The following ASB2 variants were observed in gnomAD, a reference collection of about 807,000 sequenced individuals.
ASB2 encodes the protein ankyrin repeat and SOCS box containing 2.
ASB2 carries 58 observed loss-of-function variants against 62.4 expected under a neutral mutation model. The ratio of observed to expected loss-of-function variants is 0.93; its 90% CI spans 0.75 to 1.16. The LOEUF is 1.16. Among genes scored for constraint, ASB2 ranks in the 50% most tolerant of loss-of-function variants. ASB2 has a pLI of 0.00. For synonymous variants in ASB2, 386 were observed against 385.3 expected, an observed-to-expected ratio of 1.00 and a Z score of -0.02; for missense variants, 928 against 887.9, an observed-to-expected ratio of 1.05 and a Z score of -0.57.
intron 7 of ASB2, among the ~76,000 whole-genome samples, chr14:93,944,416 G>A (rs989461781): frequency 6.6e-6 from 1 of 152,260 alleles, no homozygotes; most frequent in Non-Finnish European, 1.5e-5. Flanking sequence ...TAAGTGTGCT[G>A]ACGAGAAGAC....
chr14:93,941,394 G>A, intron 7 of ASB2: 1 of 323,298 alleles, frequency 3.1e-6, no homozygotes, highest in Non-Finnish European at 6.1e-6. Flanking sequence ...TGGCCTCCTG[G>A]CACACAGGCT....
intron 7 of ASB2, chr14:93,941,333 G>T (rs1309269394): frequency 3.5e-6 from 1 of 286,212 alleles, no homozygotes; most frequent in Admixed American, 4.9e-5. Flanking sequence ...GGGGTGGGGC[G>T]GTGGGGGAAG....
intron 2 of ASB2, among the ~76,000 whole-genome samples, chr14:93,961,455 C>A (rs542315431): frequency 1.3e-5 from 2 of 152,150 alleles, no homozygotes; most frequent in East Asian, 3.9e-4. Flanking sequence ...TCACTGGAGG[C>A]GTAGGTTAAT....
At position 93,964,430 on chromosome 14, in the gene ASB2, T is replaced by C. The variant is rs1889516496; in HGVS notation, c.110A>G (p.Gln37Arg). 4 of 1,536,002 alleles carry C rather than the reference T, an allele frequency of 2.6e-6. No homozygotes were observed. In the South Asian group the frequency reaches 4.8e-5, roughly 18 times the overall value. The part of the protein sequence containing the change: ...EDELVQMAIE[Q>R]SLADKTRGPT... Reference sequence around the variant, plus strand: ...GCCCCTTGTCTTGTCCGCTAGGCTCTGCTCGATGGCCATCTGCACCAGTTC... The same window carrying C: ...GCCCCTTGTCTTGTCCGCTAGGCTCCGCTCGATGGCCATCTGCACCAGTTC... The change falls in exon 2 of 10, where the codon CAG becomes CGG. Residue 37 changes from glutamine to arginine, a missense_variant. Coordinates refer to ENST00000555019, the MANE Select transcript of ASB2 (RefSeq NM_001202429.2).
Position 93,939,305 on chromosome 14 carries a change from G to A in ASB2, c.1420C>T (p.His474Tyr), listed in dbSNP as rs1301172923. 3 of 1,609,662 alleles carry A rather than the reference G, an allele frequency of 1.9e-6. No individual in the cohort carries two copies. In the Middle Eastern group the frequency reaches 5.0e-4, roughly 266 times the overall value. ...GANIDAYIAT[H>Y]PTAFPATIMF... is the part of the protein sequence containing the mutation. ...ATGGTGGCGGGGAAGGCGGTGGGGTGCGTGGCGATATAGGCGTCGATGTTC... is the reference window on the plus strand; with the variant it reads ...ATGGTGGCGGGGAAGGCGGTGGGGTACGTGGCGATATAGGCGTCGATGTTC... The change falls in exon 8 of 10, where the codon CAC becomes TAC. Residue 474 changes from histidine to tyrosine, a missense_variant. By Grantham distance (83) the His-to-Tyr change is moderately conservative. Transcript: ENST00000555019.
intron 4 of ASB2, 140 bp from the exon 5 acceptor site, chr14:93,953,647 T>C (rs1288240644): frequency 1.4e-6 from 1 of 738,756 alleles, no homozygotes; most frequent in Non-Finnish European, 2.0e-6. Flanking sequence ...TGCATTCATC[T>C]GGCCCTTTCA....
At chr14:93,944,001 A>G (rs1286550952) in intron 7 of ASB2, 5 of 456,118 alleles carry the variant, frequency 1.1e-5, no homozygotes, top group East Asian at 6.9e-5. Context: ...AAGGCCCAGA[A>G]TGCAAGTCTG....
chr14:93,947,596 G>A (rs957712578), intron 6 of ASB2, 76 bp from the exon 7 acceptor site: 10 of 1,502,798 alleles, frequency 6.7e-6, no homozygotes, highest in Admixed American at 3.4e-5. Context: ...CCACCGCGTG[G>A]TGGGCCTGCT....
intron 6 of ASB2, among the ~76,000 whole-genome samples, chr14:93,949,291 A>T (rs1343302210): frequency 6.6e-6 from 1 of 152,232 alleles, no homozygotes; most frequent in African/African-American, 2.4e-5. Context: ...GATCCAGCGG[A>T]AACAGCACAG....
chr14:93,939,456 G>C lies in ASB2; in HGVS notation c.1269C>G (p.Asn423Lys). ...GCAGCAGCAGCTCGGTGGCGTACAC[G>C]TTGTTGTTGACCACCGCGAAGTACA... ...SALYFAVVNNNVYATELLLQH... is the reference protein window; with the variant it reads ...SALYFAVVNNKVYATELLLQH... The change falls in exon 8 of 10, where the codon AAC (asparagine) becomes AAG (lysine). Residue 423 changes from asparagine to lysine, a missense_variant. Transcript: ENST00000555019. 1 of 1,612,438 alleles carries C rather than the reference G, an allele frequency of 6.2e-7. No homozygotes were observed. The highest frequency in any genetic ancestry group is 8.5e-7 in the Non-Finnish European group (1 of 1,179,754).
intron 9 of ASB2, among the ~76,000 whole-genome samples, chr14:93,935,777 C>CTG (rs1888252190): frequency 8.8e-6 from 1 of 114,092 alleles, no homozygotes; most frequent in Admixed American, 8.3e-5. Context: ...CTGACACTTC[C>CTG]ACTGCCCTCT....
At position 93,943,587 on chromosome 14, in the gene ASB2, C is replaced by T. The variant is rs370009412; in HGVS notation, c.1052+3762G>A. 1.2e-4 allele frequency among the ~76,000 whole-genome samples: 19 copies of T among 152,274 alleles called. No individual in the cohort carries two copies. The Middle Eastern group carries it at 0.014, about 109-fold the overall frequency. On this transcript the variant is annotated intron_variant, in intron 7 of 9. Coordinates refer to ENST00000555019, the MANE Select transcript of ASB2 (RefSeq NM_001202429.2). ...TGAACCCAGGAGGCAGAGGTTGCAG[C>T]GAGCCAAGATTGTGCCACTGCACTC...
intron 2 of ASB2, among the ~76,000 whole-genome samples, chr14:93,963,385 C>T (rs1889474810): frequency 1.4e-5 from 2 of 146,948 alleles, no homozygotes; most frequent in Non-Finnish European, 3.0e-5. Flanking sequence ...CACACTTGAC[C>T]TTGGCTGGGG....
At position 93,934,644 on chromosome 14, in the gene ASB2, C is replaced by T; in HGVS notation, c.*12G>A. On this transcript the variant is annotated 3_prime_UTR_variant, in exon 10 of 10. Coordinates refer to ENST00000555019, the MANE Select transcript of ASB2 (RefSeq NM_001202429.2). ...AGTCTGAGGGGCTACTCCTCTCTCC[C>T]CGTGGCCCCAGTTACTGGGTGTTCT... The T allele has an allele frequency of 1.2e-6, 2 of 1,613,848 alleles. No individual in the cohort carries two copies. Among genetic ancestry groups the T allele is most frequent in the Non-Finnish European group, 1.7e-6 (2 of 1,179,836 alleles).
chr14:93,941,749 C>T, intron 7 of ASB2: 1 of 451,768 alleles, frequency 2.2e-6, no homozygotes, highest in Non-Finnish European at 4.4e-6. Context: ...TCTGGCAGGT[C>T]ACAGCTGGTC....
At position 93,939,607 on chromosome 14, in the gene ASB2, A is replaced by G. The variant is rs904511397; in HGVS notation, c.1118T>C (p.Leu373Pro). ...GTGGTTGCGCTCGGCCGCCAGGTGC[A>G]GCGGACTGACGCCGCTACGGCGTAT... is the stretch of plus-strand genomic sequence containing the variant. ...TRIRRSGVSP[L>P]HLAAERNHDE... Residue 373 changes from leucine to proline, a missense_variant, in exon 8 of 10, where the codon CTG (leucine) becomes CCG (proline). Physicochemically the swap from Leu to Pro is moderately conservative, Grantham distance 98. Transcript: ENST00000555019. 1.9e-6 allele frequency: 3 copies of G among 1,561,620 alleles called. No individual in the cohort carries two copies. The African/African-American group carries it at 4.1e-5, about 21-fold the overall frequency.
chr14:93,952,591 A>T (rs2141293688), intron 5 of ASB2, among the ~76,000 whole-genome samples: 1 of 152,334 alleles, frequency 6.6e-6, no homozygotes, highest in East Asian at 1.9e-4. Context: ...GTAGTAGTTG[A>T]GGGCAGTGTG....
intron 6 of ASB2, among the ~76,000 whole-genome samples, chr14:93,947,995 G>GAAAAAAAAAAAAA (rs55666799): frequency 1.4e-5 from 1 of 72,478 alleles, no homozygotes; most frequent in African/African-American, 5.8e-5. Flanking sequence ...ACTCCGCCTG[G>GAAAAAAAAAAAAA]AAAAAAAAAA....
Position 93,956,814 on chromosome 14 carries a change from C to G in ASB2, c.263G>C (p.Gly88Ala). The G allele has an allele frequency of 6.2e-7, 1 of 1,614,210 alleles. No individual in the cohort carries two copies. Among genetic ancestry groups the G allele is most frequent in the Non-Finnish European group, 8.5e-7 (1 of 1,180,034 alleles). ...PARAPMGLFQ[G>A]VMQKYSSSLF... Reference sequence around the variant, plus strand: ...GCTGCTGCTGTATTTCTGCATGACCCCTTGGAACAAGCCCATTGGGGCCCG... The same window carrying G: ...GCTGCTGCTGTATTTCTGCATGACCGCTTGGAACAAGCCCATTGGGGCCCG... The change falls in exon 3 of 10, where the codon GGG becomes GCG. Residue 88 changes from glycine to alanine, a missense_variant. Transcript: ENST00000555019.
Sources: gnomAD v4.1 joint callset for allele counts (sites outside exome capture counted in the v4.1 genomes callset) on GRCh38, gnomAD v4.1.1 for gene constraint, MANE v1.5 for transcripts, NCBI Gene and HGNC (gene_info 2026-07-23, HGNC 2026-07-21) for gene names.